The following VWF variants were observed in gnomAD, a reference collection of about 807,000 sequenced individuals.
VWF encodes Factor VIII related antigen.
VWF carries 176 observed loss-of-function variants against 308.6 expected under a neutral mutation model. The ratio of observed to expected loss-of-function variants is 0.57; its 90% confidence interval spans 0.50 to 0.65. VWF has a LOEUF of 0.65. Among genes scored for constraint, VWF ranks in the 30% least tolerant of loss-of-function variants. The probability of loss-of-function intolerance (pLI) is 0.00; values close to 1 mark genes in which losing one functional copy is unlikely to be tolerated. For synonymous variants in VWF, 1,385 were observed against 1,443.4 expected (o/e 0.96, Z 0.92); for missense variants, 3,146 against 3,648.2 (o/e 0.86, Z 3.55).
intron 6 of VWF, among the ~76,000 whole-genome samples, chr12:6,093,228 G>A (rs561394734): frequency 9.3e-4 from 142 of 152,248 alleles, no homozygotes; most frequent in Non-Finnish European, 1.8e-3. Context: ...GGGGCACAGC[G>A]TAGGTGCCCA....
intron 47 of VWF, among the ~76,000 whole-genome samples, chr12:5,964,250 G>GCATGCATACATACATA (rs1343427840): frequency 2.5e-5 from 3 of 122,350 alleles, no homozygotes; most frequent in Admixed American, 7.5e-5. Flanking sequence ...ATACATACAT[G>GCATGCATACATACATA]CATACATACA....
chr12:6,052,941 G>A (rs556326335), intron 15 of VWF, among the ~76,000 whole-genome samples, 158 bp from the exon 16 acceptor site: 47 of 152,310 alleles, frequency 3.1e-4, no homozygotes, highest in African/African-American at 8.2e-4. Context: ...AAGAAGTAAT[G>A]CAGAAAGATC....
chr12:6,034,722 A>G lies in VWF; in HGVS notation c.2651T>C (p.Leu884Pro). ...HYLTFDGLKY[L>P]FPGECQYVLV... Reference sequence around the variant, plus strand: ...AACGTACTGGCACTCCCCGGGGAACAGGTATTTGAGCCCGTCGAAGGTGAG... The same window carrying G: ...AACGTACTGGCACTCCCCGGGGAACGGGTATTTGAGCCCGTCGAAGGTGAG... The change falls in exon 20 of 52, where the codon CTG (leucine) becomes CCG (proline). Residue 884 changes from leucine to proline, a missense_variant. Physicochemically the swap from Leu to Pro is moderately conservative, Grantham distance 98. Transcript: ENST00000261405. The G allele has an allele frequency of 1.9e-6, 3 of 1,614,092 alleles. No homozygotes were observed. Among genetic ancestry groups the G allele is most frequent in the Non-Finnish European group, 2.5e-6 (3 of 1,180,016 alleles).
At position 6,075,669 on chromosome 12, in the gene VWF, G is replaced by T. The variant is rs2136474661; in HGVS notation, c.658-118C>A. ...GCTCCCTCAGCACCTGGGACAGGCT[G>T]GCACCAAGCACATGCATGTGTTCAA... On this transcript the variant is annotated intron_variant, in intron 6 of 51. Transcript: ENST00000261405. This position sits in a 1 kb window ranked among gnomAD's most constrained non-coding sequence, Gnocchi z 4.7. The T allele has an allele frequency of 1.8e-6, 2 of 1,101,224 alleles. No individual in the cohort carries two copies. The highest frequency in any genetic ancestry group is 2.6e-5 in the East Asian group (1 of 38,868). The allele number at this position is 1,101,224 out of a possible 1,614,324, so 68.2% of individuals were successfully genotyped here. A position where few individuals can be genotyped will look rare whatever the true frequency, so the allele number is the denominator to read the frequency against.
chr12:5,954,280 C>G (rs1943224015), intron 47 of VWF, among the ~76,000 whole-genome samples: 1 of 152,222 alleles, frequency 6.6e-6, no homozygotes, highest in African/African-American at 2.4e-5. Context: ...AGCTTAGAAA[C>G]TTTTGATGAG....
chr12:6,112,150 A>T (rs1945314827), intron 3 of VWF, among the ~76,000 whole-genome samples: 1 of 152,098 alleles, frequency 6.6e-6, no homozygotes, highest in Admixed American at 6.6e-5. Context: ...TAATAAGGAC[A>T]CACTAAATGG....
rs1944421076 is a variant in VWF, at chr12:6,044,164, C to A, written c.2442+127G>T. The A allele has an allele frequency of 4.8e-6, 6 of 1,249,874 alleles. No individual in the cohort carries two copies. In the East Asian group the frequency reaches 1.5e-4, roughly 32 times the overall value. The allele number at this position is 1,249,874 out of a possible 1,614,324, so 77.4% of individuals were successfully genotyped here. A position where few individuals can be genotyped will look rare whatever the true frequency, so the allele number is the denominator to read the frequency against. On this transcript the variant is annotated intron_variant, in intron 18 of 51. Coordinates refer to ENST00000261405, the MANE Select transcript of VWF (RefSeq NM_000552.5). ...CCCTCCTCCATGCCCCCATTACCAG[C>A]ACCACCTCCATTGCTATCCGTGTTT...
At chr12:6,092,626 T>TGTGTGA in intron 6 of VWF, among the ~76,000 whole-genome samples, 1 of 83,530 alleles carries the variant, frequency 1.2e-5, no homozygotes, top group Admixed American at 1.1e-4. Context: ...AGAGTGTGTG[T>TGTGTGA]GTGTGTGTGT....
chr12:6,091,583 G>A (rs1482431729), intron 6 of VWF, among the ~76,000 whole-genome samples: 2 of 152,102 alleles, frequency 1.3e-5, no homozygotes, highest in Non-Finnish European at 2.9e-5. Context: ...TCACTCTGTT[G>A]CCCAGGCTGG....
intron 6 of VWF, 81 bp downstream of exon 6, chr12:6,095,379 G>A: frequency 6.2e-7 from 1 of 1,606,052 alleles, no homozygotes; most frequent in East Asian, 2.2e-5. Context: ...CCAGATGGAA[G>A]GATATGAGAC....
Position 5,985,228 on chromosome 12 carries a change from C to A in VWF, c.6902-109G>T, listed in dbSNP as rs1317331618. ...AAAACTAGTAGGAGTTCTGTACGGT[C>A]ATCCCACAAGGATCCAGGCCACGGG... On this transcript the variant is annotated intron_variant, in intron 39 of 51. Coordinates refer to ENST00000261405, the MANE Select transcript of VWF (RefSeq NM_000552.5). 5 of 1,165,640 alleles carry A rather than the reference C, an allele frequency of 4.3e-6. No homozygotes were observed. The East Asian group carries it at 7.2e-5, about 17-fold the overall frequency. 72.2% of individuals were successfully genotyped at this position (1,165,640 alleles called of 1,614,324 possible).
intron 34 of VWF, among the ~76,000 whole-genome samples, chr12:6,003,655 G>C (rs929100631): frequency 1.3e-5 from 2 of 152,260 alleles, no homozygotes; most frequent in East Asian, 1.9e-4. Context: ...CTCATTCAGA[G>C]AGACAGAAAG....
chr12:6,111,809 T>A (rs1945310826), intron 3 of VWF, among the ~76,000 whole-genome samples: 1 of 151,372 alleles, frequency 6.6e-6, no homozygotes, highest in Admixed American at 6.6e-5. Flanking sequence ...AAAAAAAAAA[T>A]TAGCCAGGCG....
At position 6,013,569 on chromosome 12, in the gene VWF, G is replaced by T. The variant is rs754986617; in HGVS notation, c.5532C>A (p.Gly1844=). Residue 1844 remains glycine (G), a synonymous_variant, in exon 32 of 52, where the codon GGC becomes GGA. Coordinates refer to ENST00000261405, the MANE Select transcript of VWF (RefSeq NM_000552.5). ...AQLRILAGPA[G]DSNVVKLQRI... Reference sequence around the variant, plus strand: ...GCTGGAGCTTCACCACGTTGGAGTCGCCTGCTGGGCCTGCCAAGATCCGTA... The same window carrying T: ...GCTGGAGCTTCACCACGTTGGAGTCTCCTGCTGGGCCTGCCAAGATCCGTA... 1.2e-6 allele frequency: 2 copies of T among 1,614,008 alleles called. No individual in the cohort carries two copies. Among genetic ancestry groups the T allele is most frequent in the Middle Eastern group, 1.7e-4 (1 of 6,028 alleles).
Position 6,024,067 on chromosome 12 carries a change from C to T in VWF, c.3223-280G>A, listed in dbSNP as rs1308770896. Among the ~76,000 whole-genome samples, 2 of 152,218 alleles carry T rather than the reference C, an allele frequency of 1.3e-5. No homozygotes were observed. The highest frequency in any genetic ancestry group is 2.9e-5 in the Non-Finnish European group (2 of 68,042). ...TTTCCAGAAGAACATTCCCTCTGTC[C>T]CTCTGCCTACCTCCCTGCTCAGCCA... On this transcript the variant is annotated intron_variant, in intron 24 of 51. Transcript: ENST00000261405. This position sits in a 1 kb window ranked among gnomAD's most constrained non-coding sequence, Gnocchi z 4.0.
chr12:6,008,054 A>G (rs1256801432), intron 34 of VWF, among the ~76,000 whole-genome samples: 1 of 152,144 alleles, frequency 6.6e-6, no homozygotes, highest in Non-Finnish European at 1.5e-5. Flanking sequence ...AGTAATCATA[A>G]TCTCTCAATA....
chr12:6,048,388 G>A (rs1477569701), intron 16 of VWF, among the ~76,000 whole-genome samples: 2 of 151,736 alleles, frequency 1.3e-5, no homozygotes, highest in African/African-American at 4.8e-5. Flanking sequence ...GGATGATCTC[G>A]ATCTCCTGAC....
At chr12:6,108,990 A>G (rs1009031021) in intron 5 of VWF, among the ~76,000 whole-genome samples, 1 of 152,090 alleles carries the variant, frequency 6.6e-6, no homozygotes, top group Non-Finnish European at 1.5e-5. Flanking sequence ...CAAAAAAAAA[A>G]AAAAAAAAAT....
At chr12:5,954,406 A>G (rs775283234) in intron 47 of VWF, among the ~76,000 whole-genome samples, 1 of 152,234 alleles carries the variant, frequency 6.6e-6, no homozygotes, top group Non-Finnish European at 1.5e-5. Flanking sequence ...CTGGAAGAAG[A>G]CCAAAATCAA....
Sources: allele counts gnomAD v4.1 joint callset (sites outside exome capture counted in the v4.1 genomes callset), GRCh38; gene constraint gnomAD v4.1.1; non-coding constraint Gnocchi (gnomAD v3.1); transcripts MANE v1.5; gene names NCBI Gene and HGNC (gene_info 2026-07-23, HGNC 2026-07-21).